GRIK2: variants seen among roughly 807,000 people sequenced by gnomAD.
GRIK2 encodes the protein glutamate ionotropic receptor kainate type subunit 2, also known as glutamate receptor ionotropic, kainate 2.
A neutral mutation model predicts 100.3 loss-of-function variants in GRIK2; 32 were observed. The observed-to-expected ratio is 0.32, with a 90% confidence interval of 0.24 to 0.43. The LOEUF is 0.43. Among genes scored for constraint, GRIK2 ranks in the 20% least tolerant of loss-of-function variants. GRIK2 has a pLI of 1.00. For synonymous variants in GRIK2, 417 were observed against 389.4 expected, an observed-to-expected ratio of 1.07 and a Z score of -0.83; for missense variants, 843 against 1,114.9, an observed-to-expected ratio of 0.76 and a Z score of 3.47.
intron 2 of GRIK2, among the ~76,000 whole-genome samples, chr6:101,468,147 G>T (rs1771755865): frequency 1.3e-5 from 2 of 152,060 alleles, no homozygotes; most frequent in African/African-American, 4.8e-5. Flanking sequence ...CTGCCCAGTG[G>T]GAAGGACCCA....
intron 14 of GRIK2, among the ~76,000 whole-genome samples, chr6:102,007,104 T>C (rs1057501300): frequency 7.2e-5 from 11 of 152,116 alleles, no homozygotes; most frequent in African/African-American, 2.7e-4. Flanking sequence ...TTTAAGACAA[T>C]TGTTTCCAGT....
At chr6:101,926,337 C>G (rs1282524591) in intron 13 of GRIK2, among the ~76,000 whole-genome samples, 4 of 151,264 alleles carry the variant, frequency 2.6e-5, no homozygotes, top group African/African-American at 9.7e-5. Flanking sequence ...TTGAGTAATA[C>G]AAGTCACCCA....
At chr6:101,775,265 A>G (rs140907177) in intron 7 of GRIK2, among the ~76,000 whole-genome samples, 84 of 152,272 alleles carry the variant, frequency 5.5e-4, no homozygotes, top group South Asian at 1.2e-3. Context: ...TTGGAGAGAC[A>G]TAGACATTTA....
intron 2 of GRIK2, among the ~76,000 whole-genome samples, chr6:101,449,666 T>A (rs1290503921): frequency 6.6e-6 from 1 of 151,734 alleles, no homozygotes; most frequent in Non-Finnish European, 1.5e-5. Flanking sequence ...TTGATTCAGA[T>A]TCTCCTTTGT....
intron 2 of GRIK2, among the ~76,000 whole-genome samples, chr6:101,530,161 C>T (rs1026559633): frequency 6.6e-6 from 1 of 151,950 alleles, no homozygotes; most frequent in African/African-American, 2.4e-5. Flanking sequence ...ACCTGGATAA[C>T]TGCAACATGC....
chr6:101,815,110 G>A (rs1452443680), intron 9 of GRIK2, among the ~76,000 whole-genome samples: 2 of 152,154 alleles, frequency 1.3e-5, no homozygotes, highest in Admixed American at 6.6e-5. Context: ...AGTCAAATAC[G>A]CTGTCCATAA....
chr6:101,684,052 C>T (rs780444435), intron 6 of GRIK2, among the ~76,000 whole-genome samples: 4 of 152,304 alleles, frequency 2.6e-5, no homozygotes, highest in Non-Finnish European at 4.4e-5. Flanking sequence ...GTGATGACAA[C>T]TCTTACCTCC....
At chr6:101,802,586 A>G in intron 9 of GRIK2, 148 bp downstream of exon 9, 3 of 413,732 alleles carry the variant, frequency 7.3e-6, no homozygotes, top group Non-Finnish European at 1.3e-5. Flanking sequence ...ATTGAATATA[A>G]TAATTGACAA....
chr6:101,955,576 T>TTTCTCTCTCTCTCTCTCTC (rs1491467842), intron 14 of GRIK2, among the ~76,000 whole-genome samples: 4 of 116,288 alleles, frequency 3.4e-5, no homozygotes, highest in Admixed American at 1.9e-4. Context: ...GAGCAAGGCC[T>TTTCTCTCTCTCTCTCTCTC]TCTCTCTCTC....
At chr6:101,666,065 C>A (rs1770006997) in intron 4 of GRIK2, among the ~76,000 whole-genome samples, 1 of 152,180 alleles carries the variant, frequency 6.6e-6, no homozygotes, top group African/African-American at 2.4e-5. Context: ...GCCACCTTCA[C>A]TTCTGACACC....
chr6:101,518,513 T>C (rs1175389068), intron 2 of GRIK2, among the ~76,000 whole-genome samples: 1 of 150,570 alleles, frequency 6.6e-6, no homozygotes, highest in Admixed American at 6.7e-5. Flanking sequence ...GGCAATCAAT[T>C]TTCTATGTGA....
At chr6:101,992,411 G>T (rs902206624) in intron 14 of GRIK2, among the ~76,000 whole-genome samples, 1 of 151,578 alleles carries the variant, frequency 6.6e-6, no homozygotes, top group African/African-American at 2.4e-5. Context: ...TAAGCCTCTT[G>T]GCAGTTTTCA....
At chr6:101,984,655 A>ACCCACC (rs1554186996) in intron 14 of GRIK2, among the ~76,000 whole-genome samples, 9 of 148,640 alleles carry the variant, frequency 6.1e-5, no homozygotes, top group Non-Finnish European at 1.0e-4. Flanking sequence ...ACACACACAC[A>ACCCACC]CCCTTCAACT....
At chr6:101,952,626 G>A (rs1015844366) in intron 14 of GRIK2, among the ~76,000 whole-genome samples, 3 of 149,158 alleles carry the variant, frequency 2.0e-5, no homozygotes, top group African/African-American at 2.5e-5. Context: ...TTTTTGAGGC[G>A]GAGTCTCGCT....
chr6:101,963,672 A>G (rs186887108), intron 14 of GRIK2, among the ~76,000 whole-genome samples: 1 of 151,674 alleles, frequency 6.6e-6, no homozygotes, highest in Non-Finnish European at 1.5e-5. Flanking sequence ...TTTAATATAG[A>G]AACAATCCTA....
intron 10 of GRIK2, among the ~76,000 whole-genome samples, chr6:101,822,070 T>A (rs1781989295): frequency 6.6e-6 from 1 of 151,286 alleles, no homozygotes; most frequent in Non-Finnish European, 1.5e-5. Flanking sequence ...CTTATTTAAT[T>A]TTATTCATTA....
Position 101,799,811 on chromosome 6 carries a change from T to C in GRIK2, c.1095+20T>C, listed in dbSNP as rs771232901. On this transcript the variant is annotated intron_variant, in intron 8 of 16. Transcript: ENST00000369134. ...AAAGAGGTAAGTTAGGAGAAGAACA[T>C]CTGCCTTGTCTCTTTTGTTGTCAAG... The C allele has an allele frequency of 6.3e-7, 1 of 1,594,182 alleles. No homozygotes were observed. Among genetic ancestry groups the C allele is most frequent in the Admixed American group, 1.7e-5 (1 of 59,738 alleles).
intron 11 of GRIK2, among the ~76,000 whole-genome samples, chr6:101,863,027 T>C (rs192012086): frequency 5.9e-5 from 9 of 152,266 alleles, no homozygotes; most frequent in Non-Finnish European, 1.0e-4. Flanking sequence ...TATTTTATCA[T>C]ATCAGTTTGC....
intron 5 of GRIK2, among the ~76,000 whole-genome samples, chr6:101,680,578 A>T (rs1451008767): frequency 6.6e-6 from 1 of 152,202 alleles, no homozygotes; most frequent in Admixed American, 6.5e-5. Flanking sequence ...TTAGAATAGT[A>T]TCTGACAAAT....
Sources: allele counts gnomAD v4.1 joint callset (sites outside exome capture counted in the v4.1 genomes callset), GRCh38; gene constraint gnomAD v4.1.1; transcripts MANE v1.5; gene names NCBI Gene and HGNC (gene_info 2026-07-23, HGNC 2026-07-21).